CCAR1: variants seen among roughly 807,000 people sequenced by gnomAD.
CCAR1 encodes cell division cycle and apoptosis regulator 1.
In CCAR1, 78 loss-of-function variants were observed where a neutral mutation model predicts 163.8. The ratio of observed to expected loss-of-function variants is 0.48; its 90% CI spans 0.40 to 0.57. CCAR1 has a LOEUF of 0.57. Ranked by LOEUF, CCAR1 falls within the 20% of genes least tolerant of loss-of-function variation. The pLI is 0.00. For synonymous variants in CCAR1, 443 were observed against 460.7 expected (o/e 0.96, Z 0.49); for missense variants, 1,019 against 1,365.2 (o/e 0.75, Z 4.00).
At chr10:68,788,992 C>T (rs1196199579) in intron 23 of CCAR1, among the ~76,000 whole-genome samples, 3 of 151,852 alleles carry the variant, frequency 2.0e-5, no homozygotes, top group Admixed American at 2.0e-4. Context: ...CCATTGCAAC[C>T]TCCACCTCCC....
In CCAR1 at chr10:68,757,308, G is replaced by A. The variant is rs144569762; in HGVS notation, c.1851G>A (p.Lys617=). 52 of 1,558,516 alleles carry A rather than the reference G, an allele frequency of 3.3e-5. No homozygotes were observed. The African/African-American group carries it at 6.2e-4, about 19-fold the overall frequency. Residue 617 remains lysine (K), a synonymous_variant, in exon 15 of 25, where the codon AAG becomes AAA. Transcript: ENST00000265872. ...TTGTATGTCAGGATGAAGAAGAGAA[G>A]GATGATGGTGAAGCTAAAGAAATTT... is the stretch of plus-strand genomic sequence containing the variant. ...EADGEQDEEE[K]DDGEAKEIST...
At position 68,755,350 on chromosome 10, in the gene CCAR1, G is replaced by A; in HGVS notation, c.1459-20G>A. On this transcript the variant is annotated intron_variant, in intron 12 of 24. Coordinates refer to ENST00000265872, the MANE Select transcript of CCAR1 (RefSeq NM_018237.4). ...GACAGGGTGCGTAATATATGTAAAT[G>A]ATTCTTTGTTTTGAATTAGTTTTTA... 1.9e-6 allele frequency: 3 copies of A among 1,604,026 alleles called. No homozygotes were observed. Among genetic ancestry groups the A allele is most frequent in the Non-Finnish European group, 2.6e-6 (3 of 1,172,786 alleles).
At chr10:68,763,400 C>T (rs1157571439) in intron 16 of CCAR1, among the ~76,000 whole-genome samples, 1 of 152,108 alleles carries the variant, frequency 6.6e-6, no homozygotes, top group African/African-American at 2.4e-5. Flanking sequence ...CCACCCGCCT[C>T]AGCCTCCCAA....
chr10:68,733,597 C>T (rs1235198195), intron 2 of CCAR1, among the ~76,000 whole-genome samples: 1 of 151,678 alleles, frequency 6.6e-6, no homozygotes, highest in East Asian at 1.9e-4. Context: ...GAGTCCAGGA[C>T]ACTTGAGACC....
intron 19 of CCAR1, among the ~76,000 whole-genome samples, chr10:68,775,931 G>A (rs1364894465): frequency 4.0e-5 from 6 of 151,856 alleles, no homozygotes; most frequent in Non-Finnish European, 8.8e-5. Context: ...TCCTGACCAG[G>A]TGGTCCTCCC....
intron 2 of CCAR1, among the ~76,000 whole-genome samples, chr10:68,733,613 G>A (rs913941747): frequency 2.6e-5 from 4 of 152,000 alleles, no homozygotes; most frequent in South Asian, 2.1e-4. Context: ...AGACCAGCCT[G>A]GGCAATATAG....
At position 68,786,676 on chromosome 10, in the gene CCAR1, A is replaced by G. The variant is rs780774650; in HGVS notation, c.2864A>G (p.His955Arg). 1.1e-5 allele frequency: 17 copies of G among 1,593,748 alleles called. No homozygotes were observed. The highest frequency in any genetic ancestry group is 8.5e-7 in the Non-Finnish European group (1 of 1,174,422). Reference protein sequence around the residue: ...LEEILYTLGLHLSRAQVKKLL... With the variant: ...LEEILYTLGLRLSRAQVKKLL... ...GAAATACTTTATACTCTTGGACTAC[A>G]TCTTTCTCGGGCTCAGGTAATCTAT... is the stretch of plus-strand genomic sequence containing the variant. The change falls in exon 21 of 25, where the codon CAT (histidine) becomes CGT (arginine). Residue 955 changes from histidine to arginine, a missense_variant. Physicochemically the swap from His to Arg is conservative, Grantham distance 29. Around this residue, in one of 4 missense-constraint regions of CCAR1, gnomAD observed 358 missense variants for 406.4 expected, o/e 0.88. Transcript: ENST00000265872.
chr10:68,780,436 C>T (rs2056722091), intron 19 of CCAR1, among the ~76,000 whole-genome samples: 1 of 152,236 alleles, frequency 6.6e-6, no homozygotes, highest in South Asian at 2.1e-4. Flanking sequence ...CTTAAGCCAT[C>T]TTCCTGCTTC....
rs1427606715 is a variant in CCAR1, at chr10:68,771,414, A to C, written c.2507A>C (p.Lys836Thr). 6.3e-7 allele frequency: 1 copy of C among 1,583,108 alleles called. No homozygotes were observed. The change falls in exon 18 of 25, where the codon AAA becomes ACA. Residue 836 changes from lysine to threonine, a missense_variant. By Grantham distance (78) the Lys-to-Thr change is moderately conservative. This residue lies in a region of CCAR1 where 358 missense variants were observed against 406.4 expected (regional missense o/e 0.88). Coordinates refer to ENST00000265872, the MANE Select transcript of CCAR1 (RefSeq NM_018237.4). ...KPKRRKSGDD[K>T]DKKEDRDERK... The stretch of plus-strand genomic sequence containing the variant: ...AAACGGAGAAAATCAGGCGATGATA[A>C]AGATAAAAAAGAAGATAGAGATGAA...
In CCAR1 at chr10:68,791,395, TAA is replaced by T; in HGVS notation, c.*131_*132del. ...AATGTATTTTAGTTCAAATGATGTATAAAGTTTTATGAATGTGAGTTTCTGCT... is the reference window on the plus strand; with the variant it reads ...AATGTATTTTAGTTCAAATGATGTATAGTTTTATGAATGTGAGTTTCTGCT... On this transcript the variant is annotated 3_prime_UTR_variant, in exon 25 of 25. Coordinates refer to ENST00000265872, the MANE Select transcript of CCAR1 (RefSeq NM_018237.4). 1 of 534,360 alleles carries T rather than the reference TAA, an allele frequency of 1.9e-6. No individual in the cohort carries two copies. The highest frequency in any genetic ancestry group is 3.2e-6 in the Non-Finnish European group (1 of 312,724). The allele number at this position is 534,360 out of a possible 1,614,324, so 33.1% of individuals were successfully genotyped here. A position where few individuals can be genotyped will look rare whatever the true frequency, so the allele number is the denominator to read the frequency against.
At chr10:68,740,369 C>A (rs935971649) in intron 4 of CCAR1, among the ~76,000 whole-genome samples, 1 of 152,128 alleles carries the variant, frequency 6.6e-6, no homozygotes, top group African/African-American at 2.4e-5. Flanking sequence ...TTACTTTTCA[C>A]ATTTTTCTTA....
rs1589175026 is a variant in CCAR1 at position 68,761,335 on chromosome 10, C to T, written c.2106+143C>T. ...TTAATTTATTTATTTGAGACTGAGTCTCGTTCTGTTGCCCAGGCTGGAGTG... is the reference window on the plus strand; with the variant it reads ...TTAATTTATTTATTTGAGACTGAGTTTCGTTCTGTTGCCCAGGCTGGAGTG... On this transcript the variant is annotated intron_variant, in intron 16 of 24. Transcript: ENST00000265872. The T allele has an allele frequency of 8.8e-6, 3 of 339,422 alleles. No individual in the cohort carries two copies. The East Asian group carries it at 1.6e-4, about 18-fold the overall frequency. 21.0% of individuals were successfully genotyped at this position (339,422 alleles called of 1,614,324 possible).
rs760947266 is a variant in CCAR1 at position 68,787,991 on chromosome 10, C to T, written c.2945C>T (p.Thr982Ile). Residue 982 changes from threonine (T) to isoleucine (I), a missense_variant, in exon 22 of 25, where the codon ACC becomes ATC. Physicochemically the swap from Thr to Ile is moderately conservative, Grantham distance 89 (BLOSUM62 -1). Coordinates refer to ENST00000265872, the MANE Select transcript of CCAR1 (RefSeq NM_018237.4). ...TGCTTTTACCGGAAATTAACAGACACCTCAAAAGATGAAGAGAACCATGAA... is the reference window on the plus strand; with the variant it reads ...TGCTTTTACCGGAAATTAACAGACATCTCAAAAGATGAAGAGAACCATGAA... ...ESCFYRKLTD[T>I]SKDEENHEES... The T allele has an allele frequency of 5.0e-6, 8 of 1,612,806 alleles. No individual in the cohort carries two copies. The highest frequency in any genetic ancestry group is 6.8e-6 in the Non-Finnish European group (8 of 1,179,208).
chr10:68,721,515 C>G (rs768282082), intron 1 of CCAR1: 12 of 443,178 alleles, frequency 2.7e-5, no homozygotes, highest in South Asian at 1.9e-4. Context: ...CTCAGGTGCC[C>G]CCAGCGCCCC....
At chr10:68,727,002 AT>A (rs1416911285) in intron 2 of CCAR1, among the ~76,000 whole-genome samples, 90 of 150,376 alleles carry the variant, frequency 6.0e-4, no homozygotes, top group African/African-American at 2.1e-3. Flanking sequence ...TCAAAAAAAA[AT>A]AAAAATAAAA....
chr10:68,723,653 C>T (rs564115897), intron 2 of CCAR1, among the ~76,000 whole-genome samples: 1 of 144,244 alleles, frequency 6.9e-6, no homozygotes, highest in South Asian at 2.2e-4. Flanking sequence ...TCGAGACCAT[C>T]CTGGCTTACA....
chr10:68,777,107 A>G (rs2056676102), intron 19 of CCAR1, among the ~76,000 whole-genome samples: 1 of 152,026 alleles, frequency 6.6e-6, no homozygotes, highest in Non-Finnish European at 1.5e-5. Context: ...GCAGTACCCT[A>G]CTTCCGATCT....
At chr10:68,785,786 T>C (rs1166644831) in intron 19 of CCAR1, among the ~76,000 whole-genome samples, 2 of 152,234 alleles carry the variant, frequency 1.3e-5, no homozygotes, top group African/African-American at 4.8e-5. Flanking sequence ...TCTTCAGTCC[T>C]AGGCAACCAT....
chr10:68,782,541 A>C (rs1487093206), intron 19 of CCAR1, among the ~76,000 whole-genome samples: 3 of 152,212 alleles, frequency 2.0e-5, no homozygotes, highest in Non-Finnish European at 4.4e-5. Context: ...CCATCGGCTG[A>C]AGATGCCATC....
Sources: allele counts gnomAD v4.1 joint callset (sites outside exome capture counted in the v4.1 genomes callset), GRCh38; gene constraint gnomAD v4.1.1; regional missense constraint gnomAD v4.1.1; transcripts MANE v1.5; gene names NCBI Gene and HGNC (gene_info 2026-07-23, HGNC 2026-07-21).